The following LRRFIP1 variants were observed in gnomAD, a reference collection of about 807,000 sequenced individuals.
The protein encoded by LRRFIP1 is LRR binding FLII interacting protein 1.
LRRFIP1 carries 62 observed loss-of-function variants against 104.4 expected under a neutral mutation model. The ratio of observed to expected loss-of-function variants is 0.59; its 90% confidence interval spans 0.48 to 0.73. The LOEUF (loss-of-function observed/expected upper bound fraction) is 0.73. Ranked by LOEUF, LRRFIP1 falls within the 30% of genes least tolerant of loss-of-function variation. The pLI, the probability that LRRFIP1 is intolerant of heterozygous loss-of-function variation, is 0.00. For missense variants in LRRFIP1, 796 were observed against 824.5 expected (o/e 0.97, Z 0.42); for synonymous variants, 300 against 299.0 (o/e 1.00, Z -0.03).
In LRRFIP1 at chr2:237,704,217, A is replaced by G. The variant is rs961231084; in HGVS notation, c.97-4327A>G. Among the ~76,000 whole-genome samples the G allele has an allele frequency of 5.3e-5, 8 of 149,700 alleles. No individual in the cohort carries two copies. The East Asian group carries it at 1.4e-3, about 26-fold the overall frequency. On this transcript the variant is annotated intron_variant, in intron 1 of 23. Coordinates refer to ENST00000308482, the MANE Select transcript of LRRFIP1 (RefSeq NM_001137550.2). ...GCCCAGGCTGGAGTGCAGTGGTGCA[A>G]TCTTGGCTCACCGCAACCTCCACCT... is the stretch of plus-strand genomic sequence containing the variant.
intron 1 of LRRFIP1, among the ~76,000 whole-genome samples, chr2:237,678,883 C>T (rs2091482027): frequency 6.6e-6 from 1 of 152,148 alleles, no homozygotes; most frequent in South Asian, 2.1e-4. Flanking sequence ...ATTGTATTTA[C>T]TTAAATAATG....
At chr2:237,635,603 C>T (rs1016266990) in intron 1 of LRRFIP1, among the ~76,000 whole-genome samples, 12 of 152,176 alleles carry the variant, frequency 7.9e-5, no homozygotes, top group African/African-American at 2.9e-4. Flanking sequence ...GAAAGAATAG[C>T]TTAGGACCAA....
chr2:237,686,731 C>T (rs2092398654), intron 1 of LRRFIP1, among the ~76,000 whole-genome samples: 1 of 152,240 alleles, frequency 6.6e-6, no homozygotes, highest in Admixed American at 6.5e-5. Flanking sequence ...TTTCCAGACG[C>T]TCTTGCTCTT....
In LRRFIP1 at chr2:237,681,678, C is replaced by CTTTTT. The variant is rs1172576547; in HGVS notation, c.97-26851_97-26847dup. Among the ~76,000 whole-genome samples, 419 of 44,888 alleles carry CTTTTT rather than the reference C, an allele frequency of 9.3e-3. 94 individuals are homozygous for CTTTTT. The highest frequency in any genetic ancestry group is 0.025 in the African/African-American group (337 of 13,494). The allele number at this position is 44,888 out of a possible 152,430, so 29.4% of individuals were successfully genotyped here. Reference sequence around the variant, plus strand: ...CACCGTGCCCGGCCGCAGTCCTATTCTTTTTTTTTTTTTTTTTTTGAGACG... The same window carrying CTTTTT: ...CACCGTGCCCGGCCGCAGTCCTATTCTTTTTTTTTTTTTTTTTTTTTTTTGAGACG... On this transcript the variant is annotated intron_variant, in intron 1 of 23. Transcript: ENST00000308482.
intron 1 of LRRFIP1, among the ~76,000 whole-genome samples, chr2:237,707,263 G>A (rs1201186639): frequency 4.0e-5 from 6 of 151,100 alleles, no homozygotes. Flanking sequence ...CACCTCGGAA[G>A]TCCCATTTTA....
chr2:237,681,675 A>ATTATTTTTTTTTTTTTT (rs1359912875), intron 1 of LRRFIP1, among the ~76,000 whole-genome samples: 2 of 54,640 alleles, frequency 3.7e-5, no homozygotes, highest in Non-Finnish European at 7.4e-5. Flanking sequence ...CCGCAGTCCT[A>ATTATTTTTTTTTTTTTT]TTCTTTTTTT....
Position 237,769,998 on chromosome 2 carries a change from A to T in LRRFIP1, c.1509+6A>T. 2 of 1,599,934 alleles carry T rather than the reference A, an allele frequency of 1.3e-6. No individual in the cohort carries two copies. The highest frequency in any genetic ancestry group is 1.7e-6 in the Non-Finnish European group (2 of 1,172,100). ...GGGAATGCTTATTGGAACAGGTAAC[A>T]ATCTTTTTATTACTTTACCGGTTCA... On this transcript the variant is annotated splice_donor_region_variant and intron_variant, in intron 20 of 23. Coordinates refer to ENST00000308482, the MANE Select transcript of LRRFIP1 (RefSeq NM_001137550.2).
chr2:237,763,397 T>C (rs1372024765), intron 19 of LRRFIP1: 1 of 1,613,872 alleles, frequency 6.2e-7, no homozygotes, highest in Non-Finnish European at 8.5e-7. Flanking sequence ...GGGAGAGGCA[T>C]TGGACTCATC....
At chr2:237,658,857 A>G (rs6714447) in intron 1 of LRRFIP1, among the ~76,000 whole-genome samples, 20,996 of 152,106 alleles carry the variant, frequency 0.14, 1,938 homozygotes, top group African/African-American at 0.26. Context: ...ACAATCCAAG[A>G]TGAGATTTGG....
At position 237,733,845 on chromosome 2, in the gene LRRFIP1, C is replaced by G. The variant is rs550407180; in HGVS notation, c.489+27C>G. The G allele has an allele frequency of 7.4e-6, 12 of 1,613,432 alleles. No homozygotes were observed. In the East Asian group the frequency reaches 2.2e-4, roughly 30 times the overall value. ...TGCGTGTGCTGCCCACCCTGCTGCCCCGCACCCCCTCCCACTGTGCATGCA... is the reference window on the plus strand; with the variant it reads ...TGCGTGTGCTGCCCACCCTGCTGCCGCGCACCCCCTCCCACTGTGCATGCA... On this transcript the variant is annotated intron_variant, in intron 9 of 23. Coordinates refer to ENST00000308482, the MANE Select transcript of LRRFIP1 (RefSeq NM_001137550.2).
rs2087939176 is a variant in LRRFIP1 at position 237,661,488 on chromosome 2, A to G, written c.96+33748A>G. ...CCCCAGACTCCCTCCTTCCTTCCAG[A>G]TGTGAGCAAATCCCTTTCCTTCCAC... On this transcript the variant is annotated intron_variant, in intron 1 of 23. Coordinates refer to ENST00000308482, the MANE Select transcript of LRRFIP1 (RefSeq NM_001137550.2). The surrounding 1 kb of genome is among the most constrained non-coding windows in gnomAD (Gnocchi z 4.4). Among the ~76,000 whole-genome samples, 1 of 152,084 alleles carries G rather than the reference A, an allele frequency of 6.6e-6. No individual in the cohort carries two copies. Among genetic ancestry groups the G allele is most frequent in the East Asian group, 1.9e-4 (1 of 5,198 alleles).
intron 1 of LRRFIP1, among the ~76,000 whole-genome samples, chr2:237,633,173 T>C (rs1169414134): frequency 2.6e-5 from 4 of 152,200 alleles, no homozygotes; most frequent in Admixed American, 1.3e-4. Flanking sequence ...TGAGGGCTGT[T>C]CTGCAGCTGA....
At chr2:237,719,485 C>T in intron 4 of LRRFIP1, 38 bp from the exon 5 acceptor site, 1 of 1,546,058 alleles carries the variant, frequency 6.5e-7, no homozygotes, top group Non-Finnish European at 8.9e-7. Flanking sequence ...CTGTGTCCAT[C>T]TGTCTCTAAC....
At chr2:237,714,301 T>G in intron 3 of LRRFIP1, 25 bp downstream of exon 3, 1 of 1,588,492 alleles carries the variant, frequency 6.3e-7, no homozygotes. Flanking sequence ...CTTTATTTTC[T>G]AACTTGCATG....
intron 1 of LRRFIP1, among the ~76,000 whole-genome samples, chr2:237,658,491 G>T (rs1354660597): frequency 6.6e-6 from 1 of 152,164 alleles, no homozygotes; most frequent in Non-Finnish European, 1.5e-5. Context: ...TTTTCAAAAA[G>T]ATTAGTAGGG....
intron 3 of LRRFIP1, among the ~76,000 whole-genome samples, chr2:237,714,678 T>G (rs1023593133): frequency 6.6e-6 from 1 of 152,228 alleles, no homozygotes; most frequent in Non-Finnish European, 1.5e-5. Context: ...ATTGAGAGAT[T>G]ATTAGATATT....
intron 1 of LRRFIP1, among the ~76,000 whole-genome samples, chr2:237,654,260 A>C (rs1200276602): frequency 6.6e-6 from 1 of 152,218 alleles, no homozygotes; most frequent in Non-Finnish European, 1.5e-5. Context: ...TGAAAAAAAA[A>C]TGCTTGACAT....
chr2:237,744,850 G>A (rs545391722), intron 11 of LRRFIP1, among the ~76,000 whole-genome samples: 2 of 152,378 alleles, frequency 1.3e-5, no homozygotes, highest in East Asian at 3.9e-4. Context: ...GCCACTGTCT[G>A]CGGGGTCCGG....
intron 13 of LRRFIP1, among the ~76,000 whole-genome samples, chr2:237,749,623 C>G (rs530970238): frequency 2.6e-5 from 4 of 152,224 alleles, no homozygotes; most frequent in Admixed American, 2.0e-4. Flanking sequence ...TGTGTTGATG[C>G]ACTTGGTCGT....
Sources: allele counts gnomAD v4.1 joint callset (sites outside exome capture counted in the v4.1 genomes callset), GRCh38; gene constraint gnomAD v4.1.1; non-coding constraint Gnocchi (gnomAD v3.1); transcripts MANE v1.5; gene names NCBI Gene and HGNC (gene_info 2026-07-23, HGNC 2026-07-21).